The following GRID2 variants were observed in gnomAD, a reference collection of about 807,000 sequenced individuals.
GRID2 encodes the protein glutamate receptor ionotropic, delta-2.
In GRID2, 33 loss-of-function variants were observed where a neutral mutation model predicts 114.8. The observed-to-expected ratio is 0.29, with a 90% CI of 0.22 to 0.38. GRID2 has a LOEUF of 0.38. GRID2 is among the 10% of genes least tolerant of loss of function. GRID2 has a pLI of 1.00. For synonymous variants in GRID2, 505 were observed against 449.9 expected (o/e 1.12, Z -1.55); for missense variants, 1,184 against 1,257.7 (o/e 0.94, Z 0.89).
chr4:92,570,459 A>G (rs1727554887), intron 1 of GRID2, among the ~76,000 whole-genome samples: 1 of 152,058 alleles, frequency 6.6e-6, no homozygotes, highest in South Asian at 2.1e-4. Context: ...GCTCCATAAG[A>G]ATTTTAGAAT....
chr4:92,892,862 A>T (rs1240724705), intron 2 of GRID2, among the ~76,000 whole-genome samples: 1 of 152,196 alleles, frequency 6.6e-6, no homozygotes, highest in African/African-American at 2.4e-5. Flanking sequence ...TTTAAAATTA[A>T]TTTTATTTGT....
intron 10 of GRID2, among the ~76,000 whole-genome samples, chr4:93,441,477 T>G (rs1005384731): frequency 1.4e-5 from 2 of 142,858 alleles, no homozygotes; most frequent in Non-Finnish European, 3.2e-5. Context: ...ATATAATATA[T>G]TTCCTCTTTC....
At chr4:92,777,439 A>G (rs1207009908) in intron 2 of GRID2, among the ~76,000 whole-genome samples, 1 of 152,024 alleles carries the variant, frequency 6.6e-6, no homozygotes, top group Non-Finnish European at 1.5e-5. Flanking sequence ...GTATTTCTCC[A>G]TATGTTGCTA....
chr4:93,358,427 T>G (rs995597698), intron 8 of GRID2, among the ~76,000 whole-genome samples: 6 of 151,876 alleles, frequency 4.0e-5, no homozygotes, highest in African/African-American at 1.4e-4. Context: ...ATAAACAAAT[T>G]GTATATACCA....
At chr4:92,800,175 A>G (rs1560599615) in intron 2 of GRID2, among the ~76,000 whole-genome samples, 1 of 151,972 alleles carries the variant, frequency 6.6e-6, no homozygotes, top group Non-Finnish European at 1.5e-5. Context: ...TCAGTTAAGG[A>G]TATCAGTGGA....
At chr4:93,138,989 A>C (rs530838675) in intron 4 of GRID2, among the ~76,000 whole-genome samples, 11 of 152,178 alleles carry the variant, frequency 7.2e-5, no homozygotes, top group Admixed American at 7.2e-4. Context: ...TAAACATTTT[A>C]TAGTTCTCTG....
chr4:93,350,683 A>C (rs1760713582), intron 8 of GRID2, among the ~76,000 whole-genome samples: 1 of 152,038 alleles, frequency 6.6e-6, no homozygotes, highest in African/African-American at 2.4e-5. Flanking sequence ...AATAACCCTA[A>C]GATATAGGGG....
intron 1 of GRID2, among the ~76,000 whole-genome samples, chr4:92,563,626 C>G (rs1000574564): frequency 5.9e-5 from 9 of 151,942 alleles, no homozygotes; most frequent in Non-Finnish European, 1.3e-4. Context: ...AGTATATTGT[C>G]TCAGTATTAT....
chr4:93,451,036 G>A (rs139262590), intron 10 of GRID2, among the ~76,000 whole-genome samples: 1 of 152,036 alleles, frequency 6.6e-6, no homozygotes, highest in East Asian at 1.9e-4. Context: ...CAAAAAGATG[G>A]AAGAGATTTA....
chr4:92,773,310 A>C (rs1352578964), intron 2 of GRID2, among the ~76,000 whole-genome samples: 1 of 152,196 alleles, frequency 6.6e-6, no homozygotes, highest in African/African-American at 2.4e-5. Flanking sequence ...TCATTTTAAC[A>C]GATTAGGTTC....
At chr4:93,003,082 C>G (rs1721171588) in intron 2 of GRID2, among the ~76,000 whole-genome samples, 1 of 151,858 alleles carries the variant, frequency 6.6e-6, no homozygotes, top group Non-Finnish European at 1.5e-5. Flanking sequence ...TCCCAAGAAT[C>G]TTAATCACAT....
intron 2 of GRID2, among the ~76,000 whole-genome samples, chr4:92,929,444 A>C (rs935661042): frequency 2.0e-5 from 3 of 151,376 alleles, no homozygotes; most frequent in East Asian, 1.9e-4. Context: ...AAGTGTAAGT[A>C]ATTTTTCTAG....
intron 13 of GRID2, among the ~76,000 whole-genome samples, chr4:93,613,897 G>A (rs1341160158): frequency 1.3e-5 from 2 of 151,556 alleles, no homozygotes; most frequent in Non-Finnish European, 3.0e-5. Flanking sequence ...AATGGCGGGC[G>A]CCCCTCCCCC....
chr4:92,930,950 C>T (rs113384661), intron 2 of GRID2, among the ~76,000 whole-genome samples: 12 of 150,390 alleles, frequency 8.0e-5, no homozygotes, highest in Admixed American at 2.7e-4. Flanking sequence ...GGGGAAAAAA[C>T]GAAAAAGTAA....
At chr4:93,682,965 C>A (rs999645302) in intron 14 of GRID2, among the ~76,000 whole-genome samples, 3 of 151,052 alleles carry the variant, frequency 2.0e-5, no homozygotes, top group African/African-American at 7.3e-5. Context: ...AAGAAAAACA[C>A]CCGTATCTGT....
At chr4:92,586,383 CACACACACACAT>C (rs1377616223) in intron 1 of GRID2, among the ~76,000 whole-genome samples, 41 of 150,626 alleles carry the variant, frequency 2.7e-4, no homozygotes, top group African/African-American at 1.0e-3. Context: ...CACACACACA[CACACACACACAT>C]ACACACACAC....
At chr4:93,155,354 C>T (rs1030271237) in intron 4 of GRID2, among the ~76,000 whole-genome samples, 1 of 151,918 alleles carries the variant, frequency 6.6e-6, no homozygotes, top group Non-Finnish European at 1.5e-5. Context: ...TTCTCCTCCC[C>T]AACATCTTTT....
At chr4:93,064,928 T>A (rs1335227839) in intron 2 of GRID2, among the ~76,000 whole-genome samples, 1 of 151,884 alleles carries the variant, frequency 6.6e-6, no homozygotes, top group Non-Finnish European at 1.5e-5. Context: ...GTTACTTGTT[T>A]CCATTATAGA....
At chr4:92,441,214 C>G (rs1733053018) in intron 1 of GRID2, among the ~76,000 whole-genome samples, 1 of 152,020 alleles carries the variant, frequency 6.6e-6, no homozygotes, top group Non-Finnish European at 1.5e-5. Context: ...TTTGAGAGAT[C>G]GGTCGGACAA....
Sources: allele counts gnomAD v4.1 joint callset (sites outside exome capture counted in the v4.1 genomes callset), GRCh38; gene constraint gnomAD v4.1.1; transcripts MANE v1.5; gene names NCBI Gene and HGNC (gene_info 2026-07-23, HGNC 2026-07-21).